The following FMN1 variants were observed in gnomAD, a reference collection of about 807,000 sequenced individuals.
FMN1 encodes the protein formin-1.
A neutral mutation model predicts 132.4 loss-of-function variants in FMN1; 110 were observed. The ratio of observed to expected loss-of-function variants is 0.83; its 90% CI spans 0.71 to 0.97. The LOEUF is 0.97. FMN1 is among the 50% of genes least tolerant of loss of function. FMN1 has a pLI of 0.00. For synonymous variants in FMN1, 722 were observed against 651.7 expected, an observed-to-expected ratio of 1.11 and a Z score of -1.64; for missense variants, 1,792 against 1,705.3, an observed-to-expected ratio of 1.05 and a Z score of -0.90.
intron 17 of FMN1, among the ~76,000 whole-genome samples, chr15:32,839,555 G>A (rs1166343344): frequency 6.6e-6 from 1 of 152,108 alleles, no homozygotes; most frequent in Non-Finnish European, 1.5e-5. Context: ...GGTTGTTAAT[G>A]ATGATAAGCT....
At chr15:33,044,890 C>A (rs2036606852) in intron 6 of FMN1, among the ~76,000 whole-genome samples, 2 of 152,238 alleles carry the variant, frequency 1.3e-5, no homozygotes, top group Admixed American at 1.3e-4. Flanking sequence ...ATACCTCATT[C>A]TTCCTGTTGT....
At chr15:32,949,324 G>A (rs907259355) in intron 9 of FMN1, among the ~76,000 whole-genome samples, 1 of 152,040 alleles carries the variant, frequency 6.6e-6, no homozygotes, top group African/African-American at 2.4e-5. Flanking sequence ...AAAAGAGCAT[G>A]GTACTAATAC....
intron 16 of FMN1, among the ~76,000 whole-genome samples, chr15:32,858,739 A>G (rs749621138): frequency 2.6e-5 from 4 of 152,194 alleles, no homozygotes; most frequent in Non-Finnish European, 4.4e-5. Context: ...AATTCTATAA[A>G]TCCAGTCAAA....
At position 33,077,339 on chromosome 15, in the gene FMN1, C is replaced by CTT. The variant is rs1286397800; in HGVS notation, c.2043+11458_2043+11459dup. On this transcript the variant is annotated intron_variant, in intron 5 of 20. Transcript: ENST00000616417. ...TGTGAGCCACTGCGCCCGGCCCATC[C>CTT]TTTTTTTTTTTTTTAATATATATAT... 1.1e-3 allele frequency among the ~76,000 whole-genome samples: 144 copies of CTT among 128,046 alleles called. 1 individual carries two copies. The highest frequency in any genetic ancestry group is 3.5e-3 in the African/African-American group (125 of 35,722). The allele number at this position is 128,046 out of a possible 152,430, so 84.0% of individuals were successfully genotyped here.
intron 4 of FMN1, among the ~76,000 whole-genome samples, chr15:33,118,134 C>T (rs1021411596): frequency 1.3e-5 from 2 of 152,102 alleles, no homozygotes; most frequent in Admixed American, 1.3e-4. Context: ...TATGGAATGC[C>T]AATACACCAC....
At chr15:32,792,381 C>G (rs1595921614) in intron 19 of FMN1, among the ~76,000 whole-genome samples, 1 of 151,430 alleles carries the variant, frequency 6.6e-6, no homozygotes, top group Non-Finnish European at 1.5e-5. Context: ...GAAGGTGGAG[C>G]TTGTAGTGAG....
chr15:32,827,338 T>A (rs1408128241), intron 17 of FMN1, among the ~76,000 whole-genome samples: 1 of 152,176 alleles, frequency 6.6e-6, no homozygotes, highest in Non-Finnish European at 1.5e-5. Context: ...GCTAATCACA[T>A]TTGTCTAATT....
At chr15:33,128,826 CCTCCGCAAT>C (rs1963392789) in intron 4 of FMN1, among the ~76,000 whole-genome samples, 1 of 152,230 alleles carries the variant, frequency 6.6e-6, no homozygotes, top group Admixed American at 6.5e-5. Context: ...AATAACAAAG[CCTCCGCAAT>C]GCGGAAGACA....
intron 3 of FMN1, among the ~76,000 whole-genome samples, chr15:33,173,667 G>A (rs967234386): frequency 3.3e-5 from 5 of 152,364 alleles, no homozygotes; most frequent in African/African-American, 1.2e-4. Flanking sequence ...GGTGGCTCAC[G>A]CCTGTAATCC....
In FMN1 at chr15:33,126,373, C is replaced by T. The variant is rs1372648314; in HGVS notation, c.1867+26675G>A. Among the ~76,000 whole-genome samples, 5 of 152,238 alleles carry T rather than the reference C, an allele frequency of 3.3e-5. No homozygotes were observed. The East Asian group carries it at 5.8e-4, about 18-fold the overall frequency. ...GTGGGCAGGCAGTCCAGCAGAGCAG[C>T]ACGCAGTGTGCACCAAAAGGAGCCT... On this transcript the variant is annotated intron_variant, in intron 4 of 20. Coordinates refer to ENST00000616417, the MANE Select transcript of FMN1 (RefSeq NM_001277313.2).
rs559276062 is a variant in FMN1, at chr15:33,064,166, C to A, written c.2161+791G>T. 1.3e-5 allele frequency: 2 copies of A among 152,130 alleles called. 1 individual carries two copies. Among genetic ancestry groups the A allele is most frequent in the African/African-American group, 4.8e-5 (2 of 41,432 alleles). 9.4% of individuals were successfully genotyped at this position (152,130 alleles called of 1,614,324 possible). ...ATGGAAAGAAGTTATTTTTCTATAA[C>A]CAGATAGATAGATAGACCTCAATGC... On this transcript the variant is annotated intron_variant, in intron 6 of 20. Transcript: ENST00000616417.
rs1357231194 is a variant in FMN1, at chr15:33,161,938, A to C, written c.-131-6893T>G. 3.3e-5 allele frequency among the ~76,000 whole-genome samples: 5 copies of C among 151,862 alleles called. No homozygotes were observed. In the East Asian group the frequency reaches 5.8e-4, roughly 18 times the overall value. On this transcript the variant is annotated intron_variant, in intron 3 of 20. Coordinates refer to ENST00000616417, the MANE Select transcript of FMN1 (RefSeq NM_001277313.2). Reference sequence around the variant, plus strand: ...GTCTCAAAAAACAAAAAAGAAAAAAAAAAAAAGGAAGTTCTGCAATAGGTT... The same window carrying C: ...GTCTCAAAAAACAAAAAAGAAAAAACAAAAAAGGAAGTTCTGCAATAGGTT...
intron 9 of FMN1, among the ~76,000 whole-genome samples, chr15:32,946,773 G>A (rs1041449571): frequency 6.6e-6 from 1 of 152,144 alleles, no homozygotes; most frequent in Non-Finnish European, 1.5e-5. Context: ...ACGAGTAAGA[G>A]GCATCCTGCG....
chr15:32,827,192 C>A (rs1223302191), intron 17 of FMN1, among the ~76,000 whole-genome samples: 6 of 152,170 alleles, frequency 3.9e-5, no homozygotes, highest in African/African-American at 1.4e-4. Flanking sequence ...AGCAGCTTTA[C>A]CGTCCATCTA....
rs79475888 is a variant in FMN1 at position 33,089,810 on chromosome 15, T to G, written c.1868-836A>C. Among the ~76,000 whole-genome samples, 367 of 152,316 alleles carry G rather than the reference T, an allele frequency of 2.4e-3. 4 individuals are homozygous for G. The highest frequency in any genetic ancestry group is 2.7e-3 in the East Asian group (14 of 5,184). ...ACCACACTATGGCCTCTGCCTGACATTCTATTCTTAAGATGGCAATATGTG... is the reference window on the plus strand; with the variant it reads ...ACCACACTATGGCCTCTGCCTGACAGTCTATTCTTAAGATGGCAATATGTG... On this transcript the variant is annotated intron_variant, in intron 4 of 20. Transcript: ENST00000616417.
chr15:33,144,060 T>C (rs918720531), intron 4 of FMN1, among the ~76,000 whole-genome samples: 2 of 152,208 alleles, frequency 1.3e-5, no homozygotes, highest in African/African-American at 4.8e-5. Flanking sequence ...AAAATGTGAC[T>C]TCACGTGATT....
chr15:33,160,178 G>A (rs767598069), intron 3 of FMN1, among the ~76,000 whole-genome samples: 4 of 152,048 alleles, frequency 2.6e-5, no homozygotes, highest in Non-Finnish European at 5.9e-5. Flanking sequence ...CATACGAAGG[G>A]CTTTGAAAAA....
intron 3 of FMN1, among the ~76,000 whole-genome samples, chr15:33,171,076 C>T (rs1000451790): frequency 3.9e-5 from 6 of 152,080 alleles, no homozygotes; most frequent in Non-Finnish European, 8.8e-5. Context: ...TCATTTGCAA[C>T]AACATGGATA....
chr15:33,038,006 T>C (rs1285791991), intron 6 of FMN1, among the ~76,000 whole-genome samples: 3 of 152,198 alleles, frequency 2.0e-5, no homozygotes, highest in African/African-American at 4.8e-5. Flanking sequence ...GCAGATCACT[T>C]GGTGTCAGGA....
Sources: gnomAD v4.1 joint callset for allele counts (sites outside exome capture counted in the v4.1 genomes callset) on GRCh38, gnomAD v4.1.1 for gene constraint, MANE v1.5 for transcripts, NCBI Gene and HGNC (gene_info 2026-07-23, HGNC 2026-07-21) for gene names.